The following CNTNAP2 variants were observed in gnomAD, a reference collection of about 807,000 sequenced individuals.
The protein encoded by CNTNAP2 is contactin associated protein 2.
CNTNAP2 carries 98 observed loss-of-function variants against 155.2 expected under a neutral mutation model. The ratio of observed to expected loss-of-function variants is 0.63; its 90% CI spans 0.54 to 0.75. The LOEUF is 0.75. Among genes scored for constraint, CNTNAP2 ranks in the 30% least tolerant of loss-of-function variants. The pLI, the probability that CNTNAP2 is intolerant of heterozygous loss-of-function variation, is 0.00. For missense variants in CNTNAP2, 1,727 were observed against 1,688.1 expected, an observed-to-expected ratio of 1.02 and a Z score of -0.40; for synonymous variants, 651 against 631.2, an observed-to-expected ratio of 1.03 and a Z score of -0.47.
chr7:147,232,790 C>T (rs547090735), intron 8 of CNTNAP2, among the ~76,000 whole-genome samples: 6 of 53,440 alleles, frequency 1.1e-4, no homozygotes, highest in South Asian at 1.2e-3. Context: ...TTTTTAAAAG[C>T]GTTTATCTTT....
intron 3 of CNTNAP2, among the ~76,000 whole-genome samples, chr7:146,948,955 T>TG (rs1288877234): frequency 6.6e-6 from 1 of 152,032 alleles, no homozygotes; most frequent in Non-Finnish European, 1.5e-5. Flanking sequence ...AGGGGAAGTG[T>TG]GATGGAGAGG....
chr7:147,714,926 A>G (rs1015115077), intron 13 of CNTNAP2, among the ~76,000 whole-genome samples: 1 of 152,138 alleles, frequency 6.6e-6, no homozygotes, highest in Non-Finnish European at 1.5e-5. Context: ...CTATATTTAT[A>G]AAAGTATGAA....
intron 1 of CNTNAP2, among the ~76,000 whole-genome samples, chr7:146,269,434 G>A (rs1029755378): frequency 2.0e-5 from 3 of 152,162 alleles, no homozygotes; most frequent in African/African-American, 7.2e-5. Flanking sequence ...GAAATGTTAT[G>A]TAAGGTGGCA....
chr7:146,634,215 A>C (rs546070739), intron 1 of CNTNAP2, among the ~76,000 whole-genome samples: 6 of 152,340 alleles, frequency 3.9e-5, no homozygotes, highest in South Asian at 2.1e-4. Context: ...TTCTTTTGTA[A>C]CAAAGTACTT....
intron 1 of CNTNAP2, among the ~76,000 whole-genome samples, chr7:146,264,408 G>A (rs1264638783): frequency 6.6e-6 from 1 of 151,804 alleles, no homozygotes; most frequent in Non-Finnish European, 1.5e-5. Flanking sequence ...CCGAGATCAT[G>A]CCACTGCACT....
intron 1 of CNTNAP2, among the ~76,000 whole-genome samples, chr7:146,722,819 A>C (rs975492846): frequency 5.3e-5 from 8 of 152,112 alleles, no homozygotes; most frequent in African/African-American, 1.9e-4. Context: ...GTTCGAGACC[A>C]GCTTGTCCAA....
chr7:146,773,525 A>G (rs1802333926), intron 1 of CNTNAP2, among the ~76,000 whole-genome samples: 2 of 152,050 alleles, frequency 1.3e-5, no homozygotes, highest in Non-Finnish European at 2.9e-5. Flanking sequence ...CCTCCCGAAT[A>G]CCTGGGATCA....
chr7:147,738,106 C>T (rs1281633262), intron 13 of CNTNAP2, among the ~76,000 whole-genome samples: 2 of 152,164 alleles, frequency 1.3e-5, no homozygotes, highest in Admixed American at 6.5e-5. Flanking sequence ...TCTTTTGTGT[C>T]ACTTACGCTG....
At chr7:146,530,932 G>A (rs111372873) in intron 1 of CNTNAP2, among the ~76,000 whole-genome samples, 56 of 152,266 alleles carry the variant, frequency 3.7e-4, no homozygotes, top group African/African-American at 1.0e-3. Context: ...ACATATGTGC[G>A]TCACACCACT....
At chr7:147,219,667 T>C (rs1287312575) in intron 8 of CNTNAP2, among the ~76,000 whole-genome samples, 1 of 152,242 alleles carries the variant, frequency 6.6e-6, no homozygotes, top group Non-Finnish European at 1.5e-5. Flanking sequence ...CATACCTATG[T>C]ACAACATTTT....
In CNTNAP2 at chr7:147,058,881, A is replaced by G. The variant is rs551160631; in HGVS notation, c.550+14827A>G. Among the ~76,000 whole-genome samples, 47 of 152,350 alleles carry G rather than the reference A, an allele frequency of 3.1e-4. No individual in the cohort carries two copies. The South Asian group carries it at 5.4e-3, about 17-fold the overall frequency. On this transcript the variant is annotated intron_variant, in intron 4 of 23. Coordinates refer to ENST00000361727, the MANE Select transcript of CNTNAP2 (RefSeq NM_014141.6). ...TGGCCTCCCAAAGTGCTGGGATTACAGGCATGAGCCACCATTCCCGTCCCT... is the reference window on the plus strand; with the variant it reads ...TGGCCTCCCAAAGTGCTGGGATTACGGGCATGAGCCACCATTCCCGTCCCT...
rs1481097423 is a variant in CNTNAP2, at chr7:148,237,910, C to T, written c.3381+8131C>T. Among the ~76,000 whole-genome samples the T allele has an allele frequency of 2.0e-5, 3 of 152,170 alleles. No individual in the cohort carries two copies. In the East Asian group the frequency reaches 5.8e-4, roughly 29 times the overall value. On this transcript the variant is annotated intron_variant, in intron 20 of 23. Coordinates refer to ENST00000361727, the MANE Select transcript of CNTNAP2 (RefSeq NM_014141.6). ...AAGCCCAGAGAAAAATCTCTGTAGA[C>T]TTGAGAGGGCCTTAATGATCATGTT...
chr7:147,737,175 T>C (rs1265539649), intron 13 of CNTNAP2, among the ~76,000 whole-genome samples: 2 of 152,190 alleles, frequency 1.3e-5, no homozygotes, highest in Admixed American at 6.5e-5. Context: ...TGGTGTTTGA[T>C]GATGGTGACG....
intron 21 of CNTNAP2, among the ~76,000 whole-genome samples, chr7:148,295,288 G>A (rs1324924123): frequency 2.6e-5 from 4 of 152,040 alleles, no homozygotes; most frequent in African/African-American, 9.7e-5. Context: ...ATTTTTATAT[G>A]ATAAATGAAA....
chr7:147,155,876 G>A (rs185336159), intron 8 of CNTNAP2, among the ~76,000 whole-genome samples: 14 of 152,232 alleles, frequency 9.2e-5, no homozygotes, highest in African/African-American at 2.9e-4. Context: ...GAGGAGCTTA[G>A]ATCAGACCTC....
chr7:146,633,905 T>C (rs542824814), intron 1 of CNTNAP2, among the ~76,000 whole-genome samples: 31 of 149,926 alleles, frequency 2.1e-4, no homozygotes, highest in African/African-American at 7.4e-4. Context: ...TTTGGAGTCA[T>C]CTTAAAAAGA....
chr7:146,542,799 C>T (rs1435421203), intron 1 of CNTNAP2, among the ~76,000 whole-genome samples: 2 of 151,866 alleles, frequency 1.3e-5, no homozygotes, highest in Non-Finnish European at 2.9e-5. Flanking sequence ...TAGGATTTTT[C>T]TCTAAACATG....
Position 148,320,062 on chromosome 7 carries a change from T to C in CNTNAP2, c.3475+52936T>C, listed in dbSNP as rs537304938. On this transcript the variant is annotated intron_variant, in intron 21 of 23. Transcript: ENST00000361727. ...TTAATGAGCGCATTTCCTTTTCATA[T>C]GGAGAAGGGAACCACATTGCCTTAA... is the stretch of plus-strand genomic sequence containing the variant. Among the ~76,000 whole-genome samples the C allele has an allele frequency of 6.1e-4, 93 of 152,218 alleles. 1 individual carries two copies. In the South Asian group the frequency reaches 8.1e-3, roughly 13 times the overall value.
intron 2 of CNTNAP2, among the ~76,000 whole-genome samples, chr7:146,831,789 T>C (rs912033113): frequency 6.6e-6 from 1 of 151,874 alleles, no homozygotes; most frequent in Admixed American, 6.6e-5. Flanking sequence ...ACTTCTAGAA[T>C]TATTTGAAAC....
Sources: gnomAD v4.1 joint callset for allele counts (sites outside exome capture counted in the v4.1 genomes callset) on GRCh38, gnomAD v4.1.1 for gene constraint, MANE v1.5 for transcripts, NCBI Gene and HGNC (gene_info 2026-07-23, HGNC 2026-07-21) for gene names.